Variants in SCRG1 observed in about 807,000 individuals in gnomAD.
The protein encoded by SCRG1 is stimulator of chondrogenesis 1.
In SCRG1, 3 loss-of-function variants were observed where a neutral mutation model predicts 7.7. That is an observed-to-expected ratio of 0.39 (90% CI 0.18 to 1.01). SCRG1 has a LOEUF of 1.01. Among genes scored for constraint, SCRG1 ranks in the 50% least tolerant of loss-of-function variants. The probability of loss-of-function intolerance (pLI) is 0.36; values close to 1 mark genes in which losing one functional copy is unlikely to be tolerated. For missense variants in SCRG1, 110 were observed against 117.2 expected (o/e 0.94, Z 0.28); for synonymous variants, 46 against 41.2 (o/e 1.12, Z -0.44).
chr4:173,493,746 T>C, the SCRG1 span, among the ~76,000 whole-genome samples: 1 of 152,210 alleles, frequency 6.6e-6, no homozygotes, highest in African/African-American at 2.4e-5. Flanking sequence ...CTCTATTCTC[T>C]TAGTAGTCTA....
At chr4:173,395,551 T>C (rs1420259651) in intron 1 of SCRG1, among the ~76,000 whole-genome samples, 1 of 152,224 alleles carries the variant, frequency 6.6e-6, no homozygotes, top group African/African-American at 2.4e-5. Context: ...ACCCCTTCCC[T>C]TGATATTAAT....
upstream of SCRG1, among the ~76,000 whole-genome samples, chr4:173,410,680 G>T (rs761954746): frequency 9.2e-5 from 14 of 152,146 alleles, no homozygotes; most frequent in Non-Finnish European, 1.8e-4. Context: ...GTCCTAAACT[G>T]ATCGAGATCC....
chr4:173,501,838 ACCGCGCGTCTTTGCAT>A, the SCRG1 span, among the ~76,000 whole-genome samples: 3 of 152,132 alleles, frequency 2.0e-5, no homozygotes, highest in Non-Finnish European at 4.4e-5. The surrounding 1 kb of genome is among the most constrained non-coding windows in gnomAD (Gnocchi z 5.1). Context: ...CACAGGAACC[ACCGCGCGTCTTTGCAT>A]CCAATTATTC....
chr4:173,419,452 G>C, the SCRG1 span: 4 of 964,302 alleles, frequency 4.1e-6, no homozygotes, highest in Non-Finnish European at 6.5e-6. Flanking sequence ...GAGTTACGCT[G>C]TTCTTTGTGT....
chr4:173,517,530 C>A, the SCRG1 span, among the ~76,000 whole-genome samples: 1 of 152,114 alleles, frequency 6.6e-6, no homozygotes, highest in East Asian at 1.9e-4. Flanking sequence ...GGTTCTTTCA[C>A]AATCAGATGG....
At chr4:173,468,479 T>C in the SCRG1 span, 17 of 152,288 alleles carry the variant, frequency 1.1e-4, no homozygotes, top group East Asian at 3.1e-3. Flanking sequence ...TAGATAAGTA[T>C]TGAATAACAC....
the SCRG1 span, among the ~76,000 whole-genome samples, chr4:173,413,806 C>CATGTT: frequency 6.6e-6 from 1 of 152,190 alleles, no homozygotes; most frequent in Non-Finnish European, 1.5e-5. Context: ...AGGAGAGAGA[C>CATGTT]ATGTTTCTTG....
At chr4:173,461,509 T>C in the SCRG1 span, among the ~76,000 whole-genome samples, 12 of 152,252 alleles carry the variant, frequency 7.9e-5, no homozygotes, top group African/African-American at 2.7e-4. Context: ...TTACTGCGCT[T>C]GGGGTGCCCC....
chr4:173,420,191 C>T, the SCRG1 span: 1 of 398,114 alleles, frequency 2.5e-6, no homozygotes, highest in Non-Finnish European at 4.8e-6. Flanking sequence ...CAGGCCCGGC[C>T]CTAGTGGGGG....
At chr4:173,441,874 G>T in the SCRG1 span, among the ~76,000 whole-genome samples, 3 of 152,108 alleles carry the variant, frequency 2.0e-5, no homozygotes, top group Non-Finnish European at 4.4e-5. Flanking sequence ...GCAAGACCCT[G>T]TCTCTCAATT....
At chr4:173,408,917 C>CG (rs1430677352), upstream of SCRG1, among the ~76,000 whole-genome samples, 1 of 144,818 alleles carries the variant, frequency 6.9e-6, no homozygotes, top group Non-Finnish European at 1.5e-5. Context: ...GGCGTGAACC[C>CG]GGAGGCAGAG....
intron 1 of SCRG1, chr4:173,406,196 C>G (rs1739901742): frequency 6.6e-6 from 1 of 152,210 alleles, no homozygotes; most frequent in Non-Finnish European, 1.5e-5. Flanking sequence ...CTACTATCAG[C>G]CACTTATTTA....
At chr4:173,517,201 T>A in the SCRG1 span, among the ~76,000 whole-genome samples, 7 of 152,066 alleles carry the variant, frequency 4.6e-5, no homozygotes, top group Non-Finnish European at 1.0e-4. Flanking sequence ...AGGCGAGGAC[T>A]TAAAAACCAA....
At chr4:173,447,481 A>G in the SCRG1 span, among the ~76,000 whole-genome samples, 6 of 152,246 alleles carry the variant, frequency 3.9e-5, no homozygotes, top group Admixed American at 3.9e-4. Flanking sequence ...TGATTGTAAT[A>G]TGTCAACATT....
chr4:173,452,397 CA>C, the SCRG1 span, among the ~76,000 whole-genome samples: 1 of 152,072 alleles, frequency 6.6e-6, no homozygotes, highest in African/African-American at 2.4e-5. Flanking sequence ...CTTACTGTTT[CA>C]GGGGTGGCAG....
chr4:173,434,519 T>C, the SCRG1 span, among the ~76,000 whole-genome samples: 2 of 152,296 alleles, frequency 1.3e-5, no homozygotes, highest in Admixed American at 1.3e-4. Flanking sequence ...AGATACATTT[T>C]AAAATATTTG....
At chr4:173,505,770 C>T in the SCRG1 span, among the ~76,000 whole-genome samples, 2 of 152,200 alleles carry the variant, frequency 1.3e-5, no homozygotes, top group South Asian at 2.1e-4. This position sits in a 1 kb window ranked among gnomAD's most constrained non-coding sequence, Gnocchi z 4.4. Context: ...CGTGAAGCAA[C>T]GGCTGGGAGG....
chr4:173,512,246 C>T, the SCRG1 span, among the ~76,000 whole-genome samples: 1 of 152,156 alleles, frequency 6.6e-6, no homozygotes, highest in Non-Finnish European at 1.5e-5. Context: ...GAAAGCTAAC[C>T]CCTTTCAGAG....
chr4:173,485,009 A>T, the SCRG1 span, among the ~76,000 whole-genome samples: 1 of 10,196 alleles, frequency 9.8e-5, no homozygotes, highest in Non-Finnish European at 2.1e-4. Context: ...TTATAAATAT[A>T]ATATATAATA....
Sources: gnomAD v4.1 joint callset for allele counts (sites outside exome capture counted in the v4.1 genomes callset) on GRCh38, gnomAD v4.1.1 for gene constraint, Gnocchi (gnomAD v3.1) non-coding constraint, MANE v1.5 for transcripts, NCBI Gene and HGNC (gene_info 2026-07-23, HGNC 2026-07-21) for gene names.